Variants in NPAS3 observed in about 807,000 individuals in gnomAD.
NPAS3 encodes the protein neuronal PAS domain protein 3.
Under a neutral mutation model 73.1 loss-of-function variants are expected in NPAS3, and 14 were observed. That is an observed-to-expected ratio of 0.19 (90% CI 0.13 to 0.30). NPAS3 has a LOEUF of 0.30. Among genes scored for constraint, NPAS3 ranks in the 10% least tolerant of loss-of-function variants. The pLI is 1.00. For synonymous variants in NPAS3, 620 were observed against 541.5 expected (o/e 1.14, Z -2.01); for missense variants, 1,096 against 1,250.0 (o/e 0.88, Z 1.86).
intron 6 of NPAS3, among the ~76,000 whole-genome samples, chr14:33,718,243 A>G (rs1322591869): frequency 6.6e-6 from 1 of 151,900 alleles, no homozygotes; most frequent in Non-Finnish European, 1.5e-5. Context: ...TTGTCTGTGT[A>G]ATTTTTATGT....
intron 6 of NPAS3, among the ~76,000 whole-genome samples, chr14:33,727,760 C>A (rs1215975140): frequency 6.6e-6 from 1 of 152,120 alleles, no homozygotes; most frequent in African/African-American, 2.4e-5. Context: ...CACACTCGAT[C>A]CCATATGCAA....
At chr14:33,175,364 A>G (rs970798160) in intron 2 of NPAS3, among the ~76,000 whole-genome samples, 1 of 152,178 alleles carries the variant, frequency 6.6e-6, no homozygotes, top group Non-Finnish European at 1.5e-5. Flanking sequence ...AAATTTGTAC[A>G]AAATTATTCT....
intron 6 of NPAS3, among the ~76,000 whole-genome samples, chr14:33,730,438 G>T (rs1879688428): frequency 6.6e-6 from 1 of 152,154 alleles, no homozygotes; most frequent in Non-Finnish European, 1.5e-5. Context: ...TTACAGCAAA[G>T]ATTTATTTCA....
rs374643113 is a variant in NPAS3 at position 33,096,230 on chromosome 14, C to T, written c.140+40236C>T. Among the ~76,000 whole-genome samples the T allele has an allele frequency of 2.3e-3, 350 of 152,138 alleles. 12 individuals are homozygous for T. In the South Asian group the frequency reaches 0.069, roughly 30 times the overall value. On this transcript the variant is annotated intron_variant, in intron 2 of 11. Coordinates refer to ENST00000356141, the Ensembl canonical transcript of NPAS3. ...CTTTTTAAAAACTTCTCAACCAGTT[C>T]TTCTCTCAAAATCTGCCCCCTTTCT...
intron 1 of NPAS3, among the ~76,000 whole-genome samples, chr14:33,052,687 G>A (rs2040752213): frequency 6.6e-6 from 1 of 152,140 alleles, no homozygotes; most frequent in African/African-American, 2.4e-5. Context: ...GCCAGTACTG[G>A]CCACATTTGC....
intron 5 of NPAS3, among the ~76,000 whole-genome samples, chr14:33,621,756 G>C (rs539045720): frequency 3.2e-4 from 48 of 151,996 alleles, no homozygotes; most frequent in South Asian, 8.3e-4. Context: ...AAACTACAAG[G>C]GGTAAAAAAA....
At chr14:33,431,530 T>C (rs2048783269) in intron 4 of NPAS3, among the ~76,000 whole-genome samples, 1 of 152,218 alleles carries the variant, frequency 6.6e-6, no homozygotes, top group South Asian at 2.1e-4. Flanking sequence ...GTTGACTTTA[T>C]GGCTGCATGA....
chr14:33,116,837 A>T (rs80080647), intron 2 of NPAS3, among the ~76,000 whole-genome samples: 7,753 of 152,026 alleles, frequency 0.051, 268 homozygotes, highest in Admixed American at 0.09. Context: ...GAACTCAGTC[A>T]CATGGTCACA....
At chr14:33,002,359 T>G (rs1404706605) in intron 1 of NPAS3, among the ~76,000 whole-genome samples, 1 of 152,136 alleles carries the variant, frequency 6.6e-6, no homozygotes, top group Non-Finnish European at 1.5e-5. Flanking sequence ...GAGATTTGGA[T>G]AGGTGTTTTC....
intron 4 of NPAS3, among the ~76,000 whole-genome samples, chr14:33,508,870 C>T (rs1162505636): frequency 6.6e-6 from 1 of 151,948 alleles, no homozygotes; most frequent in African/African-American, 2.4e-5. Flanking sequence ...TTTGACATCA[C>T]TCTCACCCCT....
chr14:33,548,017 T>C (rs2054926933), intron 4 of NPAS3, among the ~76,000 whole-genome samples: 2 of 152,374 alleles, frequency 1.3e-5, no homozygotes, highest in Admixed American at 6.5e-5. Context: ...TATTAGTTCA[T>C]GTGCCCAGCT....
chr14:33,404,799 T>G (rs781476784), intron 4 of NPAS3, among the ~76,000 whole-genome samples: 1 of 152,116 alleles, frequency 6.6e-6, no homozygotes, highest in Non-Finnish European at 1.5e-5. Context: ...ATGAAAATTG[T>G]ACAGTTTTCT....
At chr14:33,346,907 A>G (rs2140331077) in intron 3 of NPAS3, among the ~76,000 whole-genome samples, 1 of 152,266 alleles carries the variant, frequency 6.6e-6, no homozygotes, top group African/African-American at 2.4e-5. Context: ...CCTTCCATCA[A>G]TGTTGCTGAT....
At chr14:33,793,718 A>G (rs1595627457) in intron 9 of NPAS3, among the ~76,000 whole-genome samples, 179 bp from the exon 10 acceptor site, 2 of 152,232 alleles carry the variant, frequency 1.3e-5, no homozygotes, top group East Asian at 3.8e-4. Context: ...CTGCCGCTCC[A>G]CTGAATTGAT....
At chr14:33,267,981 C>T (rs994154363) in intron 3 of NPAS3, among the ~76,000 whole-genome samples, 3 of 152,320 alleles carry the variant, frequency 2.0e-5, no homozygotes, top group African/African-American at 7.2e-5. Context: ...TTATCTCCTA[C>T]TGTATGCCTA....
chr14:33,698,090 T>C (rs2060434566), intron 6 of NPAS3, among the ~76,000 whole-genome samples: 1 of 152,052 alleles, frequency 6.6e-6, no homozygotes, highest in African/African-American at 2.4e-5. Context: ...CAGGCCACAG[T>C]GAAGAGCTCA....
chr14:33,240,641 A>G (rs2048183971), intron 3 of NPAS3, among the ~76,000 whole-genome samples: 1 of 151,928 alleles, frequency 6.6e-6, no homozygotes, highest in South Asian at 2.1e-4. Context: ...GTTGTTTCCC[A>G]TGCTCTGCTT....
intron 6 of NPAS3, among the ~76,000 whole-genome samples, chr14:33,715,636 C>T (rs997835016): frequency 5.9e-5 from 9 of 152,164 alleles, no homozygotes; most frequent in African/African-American, 9.6e-5. Flanking sequence ...ATTTGGGCTA[C>T]GATTCCAGCC....
At chr14:33,494,331 C>T (rs867824844) in intron 4 of NPAS3, among the ~76,000 whole-genome samples, 13 of 152,108 alleles carry the variant, frequency 8.5e-5, no homozygotes, top group Admixed American at 2.0e-4. Flanking sequence ...TAGAAAAACA[C>T]CTGTTAGCCC....
Sources: allele counts gnomAD v4.1 joint callset (sites outside exome capture counted in the v4.1 genomes callset), GRCh38; gene constraint gnomAD v4.1.1; transcripts MANE v1.5; gene names NCBI Gene and HGNC (gene_info 2026-07-23, HGNC 2026-07-21).